DGKI: variants seen among roughly 807,000 people sequenced by gnomAD.
DGKI encodes DAG kinase iota.
In DGKI, 55 loss-of-function variants were observed where a neutral mutation model predicts 147.5. That is an observed-to-expected ratio of 0.37 (90% confidence interval 0.30 to 0.47). The LOEUF is 0.47. Among genes scored for constraint, DGKI ranks in the 20% least tolerant of loss-of-function variants. The pLI, the probability that DGKI is intolerant of heterozygous loss-of-function variation, is 1.00. For missense variants in DGKI, 1,007 were observed against 1,323.8 expected, an observed-to-expected ratio of 0.76 and a Z score of 3.71; for synonymous variants, 469 against 477.1, an observed-to-expected ratio of 0.98 and a Z score of 0.22.
At chr7:137,630,820 G>A (rs1022959168) in intron 6 of DGKI, among the ~76,000 whole-genome samples, 1 of 152,004 alleles carries the variant, frequency 6.6e-6, no homozygotes, top group Non-Finnish European at 1.5e-5. Context: ...CTTTGTCCTA[G>A]AACACCAGGA....
Position 137,429,162 on chromosome 7 carries a change from C to G in DGKI, c.2761+14915G>C, listed in dbSNP as rs991139720. ...ACCTGACTTCAAACTATACTACAAG[C>G]CTACAGTAACCAAAACAGCATGGTA... is the stretch of plus-strand genomic sequence containing the variant. On this transcript the variant is annotated intron_variant, in intron 28 of 32. Transcript: ENST00000614521. 3.1e-3 allele frequency among the ~76,000 whole-genome samples: 478 copies of G among 152,062 alleles called. 6 individuals carry two copies. The highest frequency in any genetic ancestry group is 0.022 in the South Asian group (106 of 4,808).
chr7:137,484,161 TAAGAA>T (rs1250487537), intron 23 of DGKI, among the ~76,000 whole-genome samples: 32 of 151,982 alleles, frequency 2.1e-4, no homozygotes, highest in African/African-American at 7.2e-4. Context: ...AATACACAAA[TAAGAA>T]CACAAAGGCC....
chr7:137,824,199 T>C (rs1414180138), intron 1 of DGKI, among the ~76,000 whole-genome samples: 5 of 152,056 alleles, frequency 3.3e-5, no homozygotes, highest in Non-Finnish European at 7.4e-5. Flanking sequence ...GCTGAAGAAA[T>C]GAAAGTATGG....
intron 1 of DGKI, among the ~76,000 whole-genome samples, chr7:137,717,626 T>C (rs886223070): frequency 1.3e-5 from 2 of 152,234 alleles, no homozygotes; most frequent in Non-Finnish European, 2.9e-5. Context: ...ATTTTTATGT[T>C]GATTTTTATT....
rs77348437 is a variant in DGKI, at chr7:137,603,047, G to C, written c.1168-3142C>G. On this transcript the variant is annotated intron_variant, in intron 10 of 32. Coordinates refer to ENST00000614521, the MANE Select transcript of DGKI (RefSeq NM_001321708.2). ...TTCCAAGCAGCAAGTACTAGGGAGG[G>C]AGTGCAACAGGAGAATACAAATTCC... Among the ~76,000 whole-genome samples the C allele has an allele frequency of 2.0e-4, 30 of 152,218 alleles. No homozygotes were observed. The East Asian group carries it at 5.8e-3, about 29-fold the overall frequency.
intron 23 of DGKI, among the ~76,000 whole-genome samples, chr7:137,477,798 AG>A (rs1299810773): frequency 6.6e-6 from 1 of 152,076 alleles, no homozygotes; most frequent in Non-Finnish European, 1.5e-5. Context: ...CTGGGACTAC[AG>A]GCACATGCTA....
intron 1 of DGKI, among the ~76,000 whole-genome samples, chr7:137,758,397 T>C (rs1322449584): frequency 6.6e-6 from 1 of 152,122 alleles, no homozygotes; most frequent in Non-Finnish European, 1.5e-5. Flanking sequence ...TAAAAACATA[T>C]CTCAGAGGCC....
intron 5 of DGKI, among the ~76,000 whole-genome samples, chr7:137,647,486 G>A (rs1821868692): frequency 1.3e-5 from 2 of 152,192 alleles, no homozygotes; most frequent in Non-Finnish European, 2.9e-5. Flanking sequence ...TTCCCCCAAA[G>A]AATCTCAGAA....
chr7:137,515,452 G>A (rs568653527), intron 21 of DGKI, among the ~76,000 whole-genome samples: 1 of 152,252 alleles, frequency 6.6e-6, no homozygotes, highest in East Asian at 1.9e-4. Context: ...TGAGGTTGGA[G>A]GAAGATCCAA....
chr7:137,753,490 C>T (rs1303455800), intron 1 of DGKI, among the ~76,000 whole-genome samples: 2 of 152,192 alleles, frequency 1.3e-5, no homozygotes, highest in African/African-American at 4.8e-5. Context: ...ACACATTTAT[C>T]ACAGAGGTAG....
intron 6 of DGKI, among the ~76,000 whole-genome samples, chr7:137,638,592 A>ATG (rs1423933585): frequency 1.2e-4 from 7 of 60,702 alleles, no homozygotes; most frequent in African/African-American, 1.3e-4. Context: ...ATACACATAT[A>ATG]TACATATATG....
At chr7:137,472,139 A>C (rs1225316787) in intron 23 of DGKI, among the ~76,000 whole-genome samples, 4 of 123,398 alleles carry the variant, frequency 3.2e-5, no homozygotes, top group Non-Finnish European at 4.7e-5. Context: ...ACACATATAT[A>C]TGTGTATATA....
Position 137,430,027 on chromosome 7 carries a change from C to G in DGKI, c.2761+14050G>C, listed in dbSNP as rs910376829. Among the ~76,000 whole-genome samples, 19 of 111,370 alleles carry G rather than the reference C, an allele frequency of 1.7e-4. 3 individuals are homozygous for G. The East Asian group carries it at 3.0e-3, about 17-fold the overall frequency. 73.1% of individuals were successfully genotyped at this position (111,370 alleles called of 152,430 possible). A position where few individuals can be genotyped will look rare whatever the true frequency, so the allele number is the denominator to read the frequency against. ...CTCAGGGATCTAGAACTGGAAATAC[C>G]ATTTGACCCAGCCATCCCATTACTG... is the stretch of plus-strand genomic sequence containing the variant. On this transcript the variant is annotated intron_variant, in intron 28 of 32. Coordinates refer to ENST00000614521, the MANE Select transcript of DGKI (RefSeq NM_001321708.2).
intron 26 of DGKI, among the ~76,000 whole-genome samples, chr7:137,465,630 A>G (rs1814624107): frequency 6.6e-6 from 1 of 152,238 alleles, no homozygotes; most frequent in African/African-American, 2.4e-5. Context: ...AGTTACTACA[A>G]ACGTACAAGC....
chr7:137,681,285 T>C (rs973476584), intron 2 of DGKI, among the ~76,000 whole-genome samples: 1 of 152,182 alleles, frequency 6.6e-6, no homozygotes, highest in Non-Finnish European at 1.5e-5. Flanking sequence ...AGGAAGTCAA[T>C]GGGAAAATAG....
chr7:137,843,923 G>A (rs931829844), intron 1 of DGKI, among the ~76,000 whole-genome samples: 16 of 151,920 alleles, frequency 1.1e-4, no homozygotes, highest in Admixed American at 5.9e-4. Flanking sequence ...TCCCCCTCAC[G>A]CAAGCAGCCA....
chr7:137,674,599 G>A (rs867860724), intron 3 of DGKI, among the ~76,000 whole-genome samples: 1 of 152,058 alleles, frequency 6.6e-6, no homozygotes, highest in African/African-American at 2.4e-5. Context: ...TGCACTCCAA[G>A]TTTTGTTTCA....
At chr7:137,845,894 C>T (rs1312438986) in intron 1 of DGKI, among the ~76,000 whole-genome samples, 15 of 152,076 alleles carry the variant, frequency 9.9e-5, no homozygotes, top group Non-Finnish European at 1.5e-5. Flanking sequence ...CCCACTCTTC[C>T]TTCATGGGGG....
intron 20 of DGKI, among the ~76,000 whole-genome samples, chr7:137,537,841 A>T (rs149500680): frequency 2.6e-5 from 4 of 152,306 alleles, no homozygotes; most frequent in African/African-American, 9.6e-5. Context: ...AAAGGCATGC[A>T]TGTAAATTTC....
Sources: gnomAD v4.1 joint callset for allele counts (sites outside exome capture counted in the v4.1 genomes callset) on GRCh38, gnomAD v4.1.1 for gene constraint, MANE v1.5 for transcripts, NCBI Gene and HGNC (gene_info 2026-07-23, HGNC 2026-07-21) for gene names.